The following CNBD1 variants were observed in gnomAD, a reference collection of about 807,000 sequenced individuals.
CNBD1 encodes cyclic nucleotide binding domain containing 1, also known as cyclic nucleotide-binding domain-containing protein 1.
In CNBD1, 71 loss-of-function variants were observed where a neutral mutation model predicts 54.4. The observed-to-expected ratio is 1.30, with a 90% CI of 1.08 to 1.59. The LOEUF is 1.59. CNBD1 is among the 40% of genes most tolerant of loss of function. CNBD1 has a pLI of 0.00. For missense variants in CNBD1, 659 were observed against 518.0 expected, an observed-to-expected ratio of 1.27 and a Z score of -2.64; for synonymous variants, 182 against 170.7, an observed-to-expected ratio of 1.07 and a Z score of -0.51.
chr8:87,051,927 A>G (rs1316616272), intron 4 of CNBD1, among the ~76,000 whole-genome samples: 2 of 152,196 alleles, frequency 1.3e-5, no homozygotes, highest in Non-Finnish European at 1.5e-5. Context: ...CTGCTGGACC[A>G]TCTGTGAGAC....
At chr8:87,047,755 T>G (rs1810225749) in intron 4 of CNBD1, among the ~76,000 whole-genome samples, 1 of 152,136 alleles carries the variant, frequency 6.6e-6, no homozygotes, top group African/African-American at 2.4e-5. Context: ...GATTTTCCTC[T>G]GGGGGGGTCT....
At chr8:86,941,239 A>G (rs1809650443) in intron 4 of CNBD1, among the ~76,000 whole-genome samples, 1 of 152,364 alleles carries the variant, frequency 6.6e-6, no homozygotes, top group East Asian at 1.9e-4. Flanking sequence ...ACCACCTGTC[A>G]TAGAAGAGTA....
At chr8:87,047,355 C>T (rs1810217086) in intron 4 of CNBD1, among the ~76,000 whole-genome samples, 1 of 152,158 alleles carries the variant, frequency 6.6e-6, no homozygotes, top group Admixed American at 6.5e-5. Flanking sequence ...AACCCCAGGA[C>T]TATGAGTTAA....
At position 87,093,076 on chromosome 8, in the gene CNBD1, C is replaced by A. The variant is rs532322118; in HGVS notation, c.432-112917C>A. On this transcript the variant is annotated intron_variant, in intron 4 of 10. Transcript: ENST00000518476. ...AATGTATGAATAAACACAATCTTTT[C>A]TTCTCCCTCTGACTTCTAGAATAGA... 2.6e-5 allele frequency among the ~76,000 whole-genome samples: 4 copies of A among 152,258 alleles called. 1 individual carries two copies. The highest frequency in any genetic ancestry group is 9.6e-5 in the African/African-American group (4 of 41,548).
intron 10 of CNBD1, among the ~76,000 whole-genome samples, chr8:87,370,477 G>A (rs1251142519): frequency 1.3e-5 from 2 of 152,140 alleles, no homozygotes; most frequent in Non-Finnish European, 2.9e-5. Context: ...CTGATGGCCA[G>A]TGATGGTGCG....
intron 10 of CNBD1, among the ~76,000 whole-genome samples, chr8:87,363,737 G>A (rs866312613): frequency 2.6e-5 from 4 of 152,006 alleles, no homozygotes; most frequent in Admixed American, 1.3e-4. Context: ...TAAGTTCCTT[G>A]TGGATTCTGG....
chr8:87,147,604 A>T (rs1045136907), intron 4 of CNBD1, among the ~76,000 whole-genome samples: 1 of 152,134 alleles, frequency 6.6e-6, no homozygotes, highest in African/African-American at 2.4e-5. Flanking sequence ...AGTAATTTCT[A>T]CTAAATTGGT....
At chr8:86,995,867 G>A (rs1260384654) in intron 4 of CNBD1, among the ~76,000 whole-genome samples, 1 of 152,178 alleles carries the variant, frequency 6.6e-6, no homozygotes, top group East Asian at 1.9e-4. Context: ...TAAATGTTGA[G>A]TGACATTCAT....
intron 2 of CNBD1, among the ~76,000 whole-genome samples, chr8:87,417,214 G>A (rs1213041663): frequency 6.6e-6 from 1 of 151,906 alleles, no homozygotes; most frequent in African/African-American, 2.4e-5. Flanking sequence ...ATCTTACATA[G>A]ATGCAGGCAA....
intron 4 of CNBD1, among the ~76,000 whole-genome samples, chr8:87,051,279 T>C (rs1479496344): frequency 6.6e-6 from 1 of 152,158 alleles, no homozygotes; most frequent in Non-Finnish European, 1.5e-5. Flanking sequence ...CTGGCTCCAG[T>C]GTCCAGAAGG....
At chr8:87,120,227 C>T (rs1243077809) in intron 4 of CNBD1, among the ~76,000 whole-genome samples, 3 of 151,652 alleles carry the variant, frequency 2.0e-5, no homozygotes, top group African/African-American at 7.2e-5. Context: ...TTTTGAGAGA[C>T]TGTTACTGAT....
At chr8:86,905,989 A>G (rs1169005021) in intron 3 of CNBD1, among the ~76,000 whole-genome samples, 2 of 152,104 alleles carry the variant, frequency 1.3e-5, no homozygotes, top group Non-Finnish European at 2.9e-5. Flanking sequence ...ACTCCCTAAT[A>G]ACTTCTATTG....
Position 87,014,359 on chromosome 8 carries a change from C to T in CNBD1, c.431+74605C>T, listed in dbSNP as rs1027769505. Among the ~76,000 whole-genome samples the T allele has an allele frequency of 4.0e-5, 6 of 151,006 alleles. No homozygotes were observed. In the South Asian group the frequency reaches 1.0e-3, roughly 26 times the overall value. ...TAAGATTTGCCATAAGAGTTATAAA[C>T]GATAAAACCCAGCCCAAGACAGAAT... On this transcript the variant is annotated intron_variant, in intron 4 of 10. Coordinates refer to ENST00000518476, the MANE Select transcript of CNBD1 (RefSeq NM_173538.3).
intron 8 of CNBD1, among the ~76,000 whole-genome samples, chr8:87,296,561 G>GC (rs1467807029): frequency 7.9e-5 from 12 of 151,880 alleles, no homozygotes; most frequent in Non-Finnish European, 1.2e-4. Flanking sequence ...AGGATTGACT[G>GC]TTGCAAAAGT....
At chr8:87,275,689 T>C (rs1267536030) in intron 6 of CNBD1, among the ~76,000 whole-genome samples, 4 of 151,658 alleles carry the variant, frequency 2.6e-5, no homozygotes, top group Admixed American at 6.6e-5. Context: ...CTCTCACCAC[T>C]CCTATTCAAC....
At chr8:87,383,850 T>A (rs1811136308), downstream of CNBD1, among the ~76,000 whole-genome samples, 1 of 152,116 alleles carries the variant, frequency 6.6e-6, no homozygotes, top group Non-Finnish European at 1.5e-5. Context: ...CATGTAGAGT[T>A]AAAAATAGAA....
chr8:87,423,635 C>A (rs937420299), intron 2 of CNBD1, among the ~76,000 whole-genome samples: 5 of 147,148 alleles, frequency 3.4e-5, no homozygotes, highest in African/African-American at 5.2e-5. Context: ...CCCACTTGAT[C>A]ATGGTGGATA....
intron 4 of CNBD1, among the ~76,000 whole-genome samples, chr8:87,133,357 G>T (rs983223126): frequency 6.6e-6 from 1 of 152,122 alleles, no homozygotes; most frequent in Non-Finnish European, 1.5e-5. Context: ...TCATTTGCCT[G>T]TGTTTCTAAA....
At chr8:87,102,612 T>TTTG (rs202123440) in intron 4 of CNBD1, among the ~76,000 whole-genome samples, 2,227 of 151,834 alleles carry the variant, frequency 0.015, 58 homozygotes, top group African/African-American at 0.05. Context: ...AGGACTTTTT[T>TTTG]TTGTTGTTTG....
Sources: allele counts gnomAD v4.1 joint callset (sites outside exome capture counted in the v4.1 genomes callset), GRCh38; gene constraint gnomAD v4.1.1; transcripts MANE v1.5; gene names NCBI Gene and HGNC (gene_info 2026-07-23, HGNC 2026-07-21).